Variants in PEAK1 observed in about 807,000 individuals in gnomAD.
PEAK1 encodes pseudopodium enriched atypical kinase 1, also known as inactive tyrosine-protein kinase PEAK1.
PEAK1 carries 54 observed loss-of-function variants against 124.7 expected under a neutral mutation model. The ratio of observed to expected loss-of-function variants is 0.43; its 90% CI spans 0.35 to 0.54. PEAK1 has a LOEUF of 0.54. Among genes scored for constraint, PEAK1 ranks in the 20% least tolerant of loss-of-function variants. The probability of loss-of-function intolerance (pLI) is 0.01; values close to 1 mark genes in which losing one functional copy is unlikely to be tolerated. For missense variants in PEAK1, 2,046 were observed against 2,134.5 expected (o/e 0.96, Z 0.82); for synonymous variants, 719 against 760.0 (o/e 0.95, Z 0.89).
intron 5 of PEAK1, chr15:77,278,832 G>GTT (rs34583265): frequency 0.055 from 12,223 of 224,144 alleles, 169 homozygotes; most frequent in South Asian, 0.091. Context: ...AATTTTGTGG[G>GTT]TTTTTTTTTT....
intron 8 of PEAK1, chr15:77,158,243 ACCTCTTT>A (rs1444156056): frequency 2.2e-5 from 9 of 406,566 alleles, no homozygotes; most frequent in Non-Finnish European, 3.1e-5. Flanking sequence ...TAACAAGTTC[ACCTCTTT>A]CCCCCCAGGT....
chr15:77,266,568 G>A (rs540684498), intron 5 of PEAK1, among the ~76,000 whole-genome samples: 1 of 152,284 alleles, frequency 6.6e-6, no homozygotes, highest in East Asian at 1.9e-4. Flanking sequence ...TGTCCAAAAT[G>A]TCTAGGTTTT....
chr15:77,393,876 C>G (rs1312830806), intron 1 of PEAK1, among the ~76,000 whole-genome samples: 1 of 152,204 alleles, frequency 6.6e-6, no homozygotes, highest in East Asian at 1.9e-4. Flanking sequence ...CAGATCTGCC[C>G]TGGGCCAGAG....
chr15:77,203,904 C>T (rs1364617763), intron 6 of PEAK1, among the ~76,000 whole-genome samples: 10 of 152,204 alleles, frequency 6.6e-5, no homozygotes, highest in Non-Finnish European at 1.0e-4. Context: ...TGACAGAAAG[C>T]ACTGGTAAGC....
chr15:77,190,145 A>G (rs1276830847), intron 6 of PEAK1, among the ~76,000 whole-genome samples: 1 of 152,200 alleles, frequency 6.6e-6, no homozygotes, highest in Non-Finnish European at 1.5e-5. Context: ...TTTTCCAATT[A>G]AAAGAAATTT....
rs781224385 is a variant in PEAK1, at chr15:77,180,697, T to C, written c.1230A>G (p.Pro410=). The C allele has an allele frequency of 2.5e-6, 4 of 1,613,946 alleles. No homozygotes were observed. The highest frequency in any genetic ancestry group is 2.2e-5 in the South Asian group (2 of 91,080). Reference sequence around the variant, plus strand: ...GAGCAAGGACTGCTTTGTGGGTCTCTGGAACTTTTATTGAGCTTTTGGAAG... The same window carrying C: ...GAGCAAGGACTGCTTTGTGGGTCTCCGGAACTTTTATTGAGCTTTTGGAAG... ...SQASKSSIKV[P]ETHKAVLALR... Residue 410 remains proline, a synonymous_variant, in exon 7 of 10, where the codon CCA becomes CCG. Transcript: ENST00000682557.
intron 4 of PEAK1, among the ~76,000 whole-genome samples, chr15:77,284,510 A>G (rs776663551): frequency 2.0e-5 from 3 of 152,198 alleles, no homozygotes; most frequent in Admixed American, 6.5e-5. Context: ...CCCACCTCAA[A>G]GTCCTTTCTA....
intron 5 of PEAK1, among the ~76,000 whole-genome samples, chr15:77,257,099 G>C (rs2061191434): frequency 1.3e-5 from 2 of 152,092 alleles, no homozygotes; most frequent in Non-Finnish European, 2.9e-5. Flanking sequence ...GTGCATACGT[G>C]TCACATTTTC....
At chr15:77,254,809 T>C (rs907052396) in intron 5 of PEAK1, among the ~76,000 whole-genome samples, 2 of 152,212 alleles carry the variant, frequency 1.3e-5, no homozygotes, top group Non-Finnish European at 2.9e-5. Flanking sequence ...TGAAAGGCAG[T>C]GTTCTAAGTA....
chr15:77,312,841 C>T (rs1297341133), intron 2 of PEAK1, among the ~76,000 whole-genome samples: 1 of 152,180 alleles, frequency 6.6e-6, no homozygotes, highest in Admixed American at 6.5e-5. Flanking sequence ...AGCACTGTGT[C>T]ACAGGGCCAA....
chr15:77,277,071 A>G (rs1489342739), intron 5 of PEAK1, among the ~76,000 whole-genome samples: 1 of 152,186 alleles, frequency 6.6e-6, no homozygotes, highest in African/African-American at 2.4e-5. Flanking sequence ...AAGGTATTCA[A>G]GTAACCTGCA....
chr15:77,234,166 C>G (rs1189742181), intron 6 of PEAK1, among the ~76,000 whole-genome samples: 1 of 152,236 alleles, frequency 6.6e-6, no homozygotes, highest in African/African-American at 2.4e-5. Flanking sequence ...TGTGCCCACA[C>G]AGCATTCACA....
intron 9 of PEAK1, among the ~76,000 whole-genome samples, chr15:77,131,651 T>C (rs1275553984): frequency 6.6e-6 from 1 of 152,214 alleles, no homozygotes; most frequent in Non-Finnish European, 1.5e-5. Context: ...GAAGATTAAA[T>C]TACATAACAA....
chr15:77,118,191 C>T (rs2051568506), intron 9 of PEAK1, among the ~76,000 whole-genome samples: 2 of 152,078 alleles, frequency 1.3e-5, no homozygotes. Context: ...AGGGAGAAGA[C>T]TAGAGTGTAA....
In PEAK1 at chr15:77,182,709, C is replaced by T. The variant is rs1422218355; in HGVS notation, c.-114-669G>A. On this transcript the variant is annotated intron_variant, in intron 6 of 9. Transcript: ENST00000682557. ...GGAGGTTGCAGTGAGCAGATTGTGC[C>T]ACAGTACTTCAGCCTGGGTGACAGA... is the stretch of plus-strand genomic sequence containing the variant. Among the ~76,000 whole-genome samples, 6 of 129,870 alleles carry T rather than the reference C, an allele frequency of 4.6e-5. No individual in the cohort carries two copies. In the Admixed American group the frequency reaches 5.4e-4, roughly 12 times the overall value. 85.2% of individuals were successfully genotyped at this position (129,870 alleles called of 152,430 possible). A position where few individuals can be genotyped will look rare whatever the true frequency, so the allele number is the denominator to read the frequency against.
At chr15:77,268,026 CT>C (rs1250676606) in intron 5 of PEAK1, among the ~76,000 whole-genome samples, 1 of 152,128 alleles carries the variant, frequency 6.6e-6, no homozygotes, top group East Asian at 1.9e-4. Context: ...CTAATCACAA[CT>C]TCTGGAAATG....
chr15:77,185,889 T>G (rs2057521378), intron 6 of PEAK1, among the ~76,000 whole-genome samples: 1 of 152,144 alleles, frequency 6.6e-6, no homozygotes. Context: ...TTCAACTGTG[T>G]TTTATGGACA....
In PEAK1 at chr15:77,135,321, C is replaced by T. The variant is rs112497275; in HGVS notation, c.3332-1571G>A. On this transcript the variant is annotated intron_variant, in intron 8 of 9. Coordinates refer to ENST00000682557, the MANE Select transcript of PEAK1 (RefSeq NM_001385026.1). Reference sequence around the variant, plus strand: ...AAATCACGTCCTTGCAGCATGTCAACGGTAAGCACCAATATAATCTGGGAT... The same window carrying T: ...AAATCACGTCCTTGCAGCATGTCAATGGTAAGCACCAATATAATCTGGGAT... Among the ~76,000 whole-genome samples, 994 of 152,258 alleles carry T rather than the reference C, an allele frequency of 6.5e-3. 10 individuals carry two copies. Among genetic ancestry groups the T allele is most frequent in the African/African-American group, 0.021 (880 of 41,534 alleles).
At chr15:77,313,643 T>TATGC (rs2064625019) in intron 2 of PEAK1, among the ~76,000 whole-genome samples, 1 of 101,756 alleles carries the variant, frequency 9.8e-6, no homozygotes, top group Non-Finnish European at 2.0e-5. Flanking sequence ...TGTATGTATG[T>TATGC]ATGTATGTAT....
Sources: allele counts gnomAD v4.1 joint callset (sites outside exome capture counted in the v4.1 genomes callset), GRCh38; gene constraint gnomAD v4.1.1; transcripts MANE v1.5; gene names NCBI Gene and HGNC (gene_info 2026-07-23, HGNC 2026-07-21).